Variants in CRTAC1 observed in about 807,000 individuals in gnomAD.
The protein encoded by CRTAC1 is cartilage acidic protein 1.
CRTAC1 carries 37 observed loss-of-function variants against 67.8 expected under a neutral mutation model. That is an observed-to-expected ratio of 0.55 (90% CI 0.42 to 0.72). The LOEUF is 0.72. CRTAC1 is among the 30% of genes least tolerant of loss of function. The pLI is 0.00. For synonymous variants in CRTAC1, 348 were observed against 371.0 expected (o/e 0.94, Z 0.71); for missense variants, 780 against 931.6 (o/e 0.84, Z 2.12).
chr10:97,943,094 A>G (rs1372159614), intron 2 of CRTAC1, among the ~76,000 whole-genome samples: 1 of 152,152 alleles, frequency 6.6e-6, no homozygotes, highest in African/African-American at 2.4e-5. Flanking sequence ...GTGAAAAGTG[A>G]AAAGAATATA....
chr10:97,976,116 C>T (rs577437959), intron 2 of CRTAC1, among the ~76,000 whole-genome samples: 4 of 152,256 alleles, frequency 2.6e-5, no homozygotes, highest in South Asian at 4.1e-4. Flanking sequence ...GCCGCCGCAG[C>T]GTACTCTCAT....
chr10:97,920,872 G>T (rs1359599532), intron 4 of CRTAC1, among the ~76,000 whole-genome samples: 2 of 152,232 alleles, frequency 1.3e-5, no homozygotes, highest in African/African-American at 2.4e-5. Context: ...AATCATTATT[G>T]ATCAGAGGAC....
intron 2 of CRTAC1, among the ~76,000 whole-genome samples, chr10:98,003,021 G>T (rs1393885839): frequency 2.0e-5 from 3 of 151,468 alleles, no homozygotes; most frequent in Non-Finnish European, 4.4e-5. Context: ...CTGACCTCGT[G>T]ATCTGCCCGC....
chr10:97,884,058 G>A (rs757739400), intron 12 of CRTAC1, 148 bp downstream of exon 12: 30 of 807,072 alleles, frequency 3.7e-5, no homozygotes, highest in Non-Finnish European at 5.5e-5. Flanking sequence ...AACTACAAAT[G>A]GAGGGATCAG....
Position 98,029,081 on chromosome 10 carries a change from C to CAG in CRTAC1, c.24+1366_24+1367dup, listed in dbSNP as rs989366616. On this transcript the variant is annotated intron_variant, in intron 1 of 14. Coordinates refer to ENST00000370597, the MANE Select transcript of CRTAC1 (RefSeq NM_018058.7). The surrounding 1 kb of genome is among the most constrained non-coding windows in gnomAD (Gnocchi z 4.7). The stretch of plus-strand genomic sequence containing the variant: ...GCCAGAAGGATGTTCTTAACCAAGT[C>CAG]AGAGAGAGAGAGAGAACATTTTCTC... Among the ~76,000 whole-genome samples, 18 of 151,420 alleles carry CAG rather than the reference C, an allele frequency of 1.2e-4. No homozygotes were observed. The highest frequency in any genetic ancestry group is 2.7e-4 in the African/African-American group (11 of 41,436).
At chr10:97,917,364 G>A (rs1022625597) in intron 5 of CRTAC1, 136 bp downstream of exon 5, 2 of 572,290 alleles carry the variant, frequency 3.5e-6, no homozygotes, top group Non-Finnish European at 5.5e-6. Context: ...ATGGAATGGA[G>A]CCTTCATCTC....
intron 12 of CRTAC1, among the ~76,000 whole-genome samples, chr10:97,883,924 G>C (rs2050246902): frequency 6.6e-6 from 1 of 152,194 alleles, no homozygotes. Flanking sequence ...GTGGGCCTTG[G>C]TGGATTTCCT....
Position 98,011,220 on chromosome 10 carries a change from C to A in CRTAC1, c.142G>T (p.Asp48Tyr). 6.2e-7 allele frequency: 1 copy of A among 1,614,220 alleles called. No individual in the cohort carries two copies. Among genetic ancestry groups the A allele is most frequent in the Non-Finnish European group, 8.5e-7 (1 of 1,180,036 alleles). ...TAGTTGAGCTGGGTGGGATTACTGTCATAGTCAGGAGGCAGAACTGAGTTG... is the reference window on the plus strand; with the variant it reads ...TAGTTGAGCTGGGTGGGATTACTGTAATAGTCAGGAGGCAGAACTGAGTTG... Reference protein sequence around the residue: ...VTNSVLPPDYDSNPTQLNYGV... With the variant: ...VTNSVLPPDYYSNPTQLNYGV... The change falls in exon 2 of 15, where the codon GAC becomes TAC. Residue 48 changes from aspartate to tyrosine, a missense_variant. Coordinates refer to ENST00000370597, the MANE Select transcript of CRTAC1 (RefSeq NM_018058.7).
chr10:97,952,947 C>T (rs2136634223), intron 2 of CRTAC1, among the ~76,000 whole-genome samples: 1 of 152,272 alleles, frequency 6.6e-6, no homozygotes, highest in Admixed American at 6.5e-5. Context: ...GGAGAATAAC[C>T]AACATGCTGC....
intron 4 of CRTAC1, 136 bp downstream of exon 4, chr10:97,923,128 A>G: frequency 1.1e-6 from 1 of 898,492 alleles, no homozygotes; most frequent in Non-Finnish European, 1.7e-6. Context: ...TGCAAGTCTT[A>G]GTTGTTGGTA....
In CRTAC1 at chr10:97,952,538, C is replaced by CAAAAA. The variant is rs397844653; in HGVS notation, c.225-16177_225-16173dup. Among the ~76,000 whole-genome samples the CAAAAA allele has an allele frequency of 2.2e-3, 140 of 64,104 alleles. 3 individuals are homozygous for CAAAAA. The highest frequency in any genetic ancestry group is 5.7e-3 in the African/African-American group (85 of 14,788). 42.1% of individuals were successfully genotyped at this position (64,104 alleles called of 152,430 possible). Reference sequence around the variant, plus strand: ...GGGAGAAAAGAGTGAAATTCCATCTCAAAAAAAAAAAAAAAAAAAAAAAAG... The same window carrying CAAAAA: ...GGGAGAAAAGAGTGAAATTCCATCTCAAAAAAAAAAAAAAAAAAAAAAAAAAAAAG... On this transcript the variant is annotated intron_variant, in intron 2 of 14. Coordinates refer to ENST00000370597, the MANE Select transcript of CRTAC1 (RefSeq NM_018058.7).
rs1479082317 is a variant in CRTAC1, at chr10:97,975,927, C to T, written c.224+35211G>A. On this transcript the variant is annotated intron_variant, in intron 2 of 14. Coordinates refer to ENST00000370597, the MANE Select transcript of CRTAC1 (RefSeq NM_018058.7). The surrounding 1 kb of genome is among the most constrained non-coding windows in gnomAD (Gnocchi z 4.8). The stretch of plus-strand genomic sequence containing the variant: ...GGAACCATCTACCTGGTGTGTGGCC[C>T]GTTCCCCGAACCACATCTTACATCT... Among the ~76,000 whole-genome samples, 2 of 152,184 alleles carry T rather than the reference C, an allele frequency of 1.3e-5. No homozygotes were observed. The highest frequency in any genetic ancestry group is 2.4e-5 in the African/African-American group (1 of 41,446).
chr10:97,929,615 T>A (rs1389278021), intron 3 of CRTAC1, among the ~76,000 whole-genome samples: 2 of 152,202 alleles, frequency 1.3e-5, no homozygotes, highest in Non-Finnish European at 2.9e-5. Context: ...TAGGTGGATC[T>A]TGGGCAACTC....
chr10:97,938,082 T>G (rs548667738), intron 2 of CRTAC1, among the ~76,000 whole-genome samples: 1 of 152,090 alleles, frequency 6.6e-6, no homozygotes, highest in Admixed American at 6.5e-5. Flanking sequence ...CGGGCACCCA[T>G]AGGGTGTGAA....
intron 2 of CRTAC1, among the ~76,000 whole-genome samples, chr10:97,982,688 C>T (rs2051911399): frequency 6.6e-6 from 1 of 152,140 alleles, no homozygotes; most frequent in African/African-American, 2.4e-5. Flanking sequence ...AAATCAACTT[C>T]ACAAAAGAGT....
chr10:98,015,536 A>T (rs376449447), intron 1 of CRTAC1, among the ~76,000 whole-genome samples: 11 of 152,366 alleles, frequency 7.2e-5, no homozygotes, highest in African/African-American at 2.6e-4. Flanking sequence ...CAATAAAAAA[A>T]TACTAATGCC....
chr10:97,885,587 C>T (rs771724511), intron 11 of CRTAC1, among the ~76,000 whole-genome samples: 4 of 152,192 alleles, frequency 2.6e-5, no homozygotes, highest in South Asian at 2.1e-4. Context: ...CAGCTCCCCG[C>T]GTAAGGAAAC....
chr10:98,003,019 G>C (rs753157356), intron 2 of CRTAC1, among the ~76,000 whole-genome samples: 1 of 151,446 alleles, frequency 6.6e-6, no homozygotes, highest in Admixed American at 6.6e-5. Flanking sequence ...TCCTGACCTC[G>C]TGATCTGCCC....
chr10:97,950,814 GACA>G (rs2051343134), intron 2 of CRTAC1, among the ~76,000 whole-genome samples: 1 of 152,202 alleles, frequency 6.6e-6, no homozygotes. Context: ...AGTCAAGATG[GACA>G]AGAAGATAGG....
Sources: gnomAD v4.1 joint callset for allele counts (sites outside exome capture counted in the v4.1 genomes callset) on GRCh38, gnomAD v4.1.1 for gene constraint, Gnocchi (gnomAD v3.1) non-coding constraint, MANE v1.5 for transcripts, NCBI Gene and HGNC (gene_info 2026-07-23, HGNC 2026-07-21) for gene names.